ME3: variants seen among roughly 807,000 people sequenced by gnomAD.
ME3 encodes the protein NADP-dependent malic enzyme, mitochondrial.
ME3 carries 48 observed loss-of-function variants against 68.9 expected under a neutral mutation model. The ratio of observed to expected loss-of-function variants is 0.70; its 90% confidence interval spans 0.55 to 0.89. ME3 has a LOEUF of 0.89. Ranked by LOEUF, ME3 falls within the 40% of genes least tolerant of loss-of-function variation. The pLI, the probability that ME3 is intolerant of heterozygous loss-of-function variation, is 0.00. For synonymous variants in ME3, 320 were observed against 318.8 expected, an observed-to-expected ratio of 1.00 and a Z score of -0.04; for missense variants, 675 against 797.4, an observed-to-expected ratio of 0.85 and a Z score of 1.85.
chr11:86,579,907 T>G (rs1387241508), intron 2 of ME3, among the ~76,000 whole-genome samples: 1 of 152,188 alleles, frequency 6.6e-6, no homozygotes, highest in Non-Finnish European at 1.5e-5. Context: ...TAGACTTATA[T>G]TAAAAGAAAG....
intron 7 of ME3, among the ~76,000 whole-genome samples, chr11:86,481,778 G>A (rs1951424548): frequency 6.6e-6 from 1 of 152,312 alleles, no homozygotes; most frequent in East Asian, 1.9e-4. Flanking sequence ...TGCAGGATCA[G>A]CTGGCATGAG....
intron 5 of ME3, 29 bp from the exon 6 acceptor site, chr11:86,498,153 G>T: frequency 6.3e-7 from 1 of 1,590,926 alleles, no homozygotes. Context: ...CCATCAATCA[G>T]GGACAGCACT....
intron 2 of ME3, among the ~76,000 whole-genome samples, chr11:86,596,244 G>T (rs1012623711): frequency 1.8e-4 from 27 of 152,276 alleles, no homozygotes; most frequent in African/African-American, 6.3e-4. Context: ...CAGATGGATT[G>T]AGGGGTCTTT....
intron 2 of ME3, among the ~76,000 whole-genome samples, chr11:86,587,556 G>A (rs1309990157): frequency 6.6e-6 from 1 of 152,146 alleles, no homozygotes; most frequent in Non-Finnish European, 1.5e-5. Flanking sequence ...CTCGAGTCTT[G>A]CCCCTGGAGT....
At chr11:86,472,622 G>A (rs114095293) in intron 7 of ME3, among the ~76,000 whole-genome samples, 1,875 of 152,304 alleles carry the variant, frequency 0.012, 48 homozygotes, top group African/African-American at 0.043. Flanking sequence ...CTTACTAAAC[G>A]CATGACCTCA....
intron 2 of ME3, among the ~76,000 whole-genome samples, chr11:86,583,044 C>G (rs968615519): frequency 2.6e-5 from 4 of 152,010 alleles, no homozygotes; most frequent in Non-Finnish European, 1.5e-5. Flanking sequence ...ATTTTTATGG[C>G]TGAAAGTTTA....
chr11:86,465,734 A>C (rs899006417), intron 7 of ME3, among the ~76,000 whole-genome samples: 1 of 152,206 alleles, frequency 6.6e-6, no homozygotes, highest in Non-Finnish European at 1.5e-5. Context: ...TGGTAAGATG[A>C]AAGGATGGTT....
intron 4 of ME3, among the ~76,000 whole-genome samples, chr11:86,547,897 TA>T (rs1956459495): frequency 6.6e-6 from 1 of 152,146 alleles, no homozygotes. Context: ...CAGAGCCAGA[TA>T]AAAAAGAAAC....
intron 2 of ME3, among the ~76,000 whole-genome samples, chr11:86,562,498 C>T (rs1270237413): frequency 1.3e-5 from 2 of 152,132 alleles, no homozygotes; most frequent in African/African-American, 4.8e-5. Context: ...CATTTTGCAT[C>T]CCTGCTAGAA....
At chr11:86,510,450 C>G (rs1953434129) in intron 4 of ME3, among the ~76,000 whole-genome samples, 1 of 152,318 alleles carries the variant, frequency 6.6e-6, no homozygotes, top group South Asian at 2.1e-4. Flanking sequence ...CCTCAAAAAT[C>G]TGTACTATGC....
At chr11:86,577,098 C>A (rs1397787284) in intron 2 of ME3, among the ~76,000 whole-genome samples, 5 of 152,112 alleles carry the variant, frequency 3.3e-5, no homozygotes, top group Admixed American at 6.6e-5. Flanking sequence ...TCCCCTGTTC[C>A]CATTCTAAAG....
chr11:86,648,912 C>A (rs972253054), intron 2 of ME3, among the ~76,000 whole-genome samples: 1 of 152,148 alleles, frequency 6.6e-6, no homozygotes, highest in Non-Finnish European at 1.5e-5. Flanking sequence ...TGGTACCATT[C>A]CTTCTAAAAC....
intron 2 of ME3, among the ~76,000 whole-genome samples, chr11:86,568,411 C>T (rs1594482971): frequency 6.6e-6 from 1 of 152,196 alleles, no homozygotes; most frequent in Non-Finnish European, 1.5e-5. Context: ...GTGACCATTT[C>T]GACTGGTCAG....
downstream of ME3, among the ~76,000 whole-genome samples, chr11:86,437,932 A>G (rs1593957590): frequency 6.6e-6 from 1 of 152,128 alleles, no homozygotes; most frequent in Non-Finnish European, 1.5e-5. Context: ...TCTGTGAATC[A>G]AGGCAGTATT....
At chr11:86,526,076 C>T (rs1205505264) in intron 4 of ME3, among the ~76,000 whole-genome samples, 1 of 152,188 alleles carries the variant, frequency 6.6e-6, no homozygotes, top group Non-Finnish European at 1.5e-5. Context: ...GAGGCATTGC[C>T]TCACCCAGGA....
intron 6 of ME3, among the ~76,000 whole-genome samples, chr11:86,496,195 C>T (rs1952318186): frequency 1.3e-5 from 2 of 151,968 alleles, no homozygotes; most frequent in African/African-American, 2.4e-5. Flanking sequence ...CACTTGAGGT[C>T]AGGAGTTTGA....
intron 7 of ME3, among the ~76,000 whole-genome samples, chr11:86,469,855 T>G (rs1002738917): frequency 1.3e-5 from 2 of 151,796 alleles, no homozygotes; most frequent in Non-Finnish European, 2.9e-5. Context: ...ATTTTGTTTT[T>G]TTTTTTTTCC....
intron 7 of ME3, among the ~76,000 whole-genome samples, chr11:86,486,372 A>G (rs908856228): frequency 9.8e-5 from 15 of 152,376 alleles, no homozygotes; most frequent in Admixed American, 5.2e-4. Flanking sequence ...GGAAACCCAG[A>G]AAAGTTTAGT....
At chr11:86,539,092 A>C (rs1204501331) in intron 4 of ME3, among the ~76,000 whole-genome samples, 1 of 152,196 alleles carries the variant, frequency 6.6e-6, no homozygotes, top group Non-Finnish European at 1.5e-5. Flanking sequence ...GACCATTTGG[A>C]GGAAGATGGA....
Sources: allele counts gnomAD v4.1 joint callset (sites outside exome capture counted in the v4.1 genomes callset), GRCh38; gene constraint gnomAD v4.1.1; transcripts MANE v1.5; gene names NCBI Gene and HGNC (gene_info 2026-07-23, HGNC 2026-07-21).